Variants in KBTBD13 observed in about 807,000 individuals in gnomAD.
KBTBD13 encodes kelch repeat and BTB domain containing 13.
Under a neutral mutation model 25.4 loss-of-function variants are expected in KBTBD13, and 32 were observed. That is an observed-to-expected ratio of 1.26 (90% CI 0.95 to 1.69). KBTBD13 has a LOEUF of 1.69. KBTBD13 is among the 40% of genes most tolerant of loss of function. KBTBD13 has a pLI of 0.00. For synonymous variants in KBTBD13, 436 were observed against 329.8 expected (o/e 1.32, Z -3.49); for missense variants, 898 against 679.5 (o/e 1.32, Z -3.57).
rs2086985037 is a variant in KBTBD13 at position 65,077,187 on chromosome 15, T to G, written c.372T>G (p.Ser124Arg). 1 of 1,481,494 alleles carries G rather than the reference T, an allele frequency of 6.7e-7. No individual in the cohort carries two copies. The highest frequency in any genetic ancestry group is 2.7e-5 in the East Asian group (1 of 36,914). The allele number at this position is 1,481,494 out of a possible 1,614,324, so 91.8% of individuals were successfully genotyped here. A position where few individuals can be genotyped will look rare whatever the true frequency, so the allele number is the denominator to read the frequency against. The change falls in exon 1 of 1, where the codon AGT becomes AGG. Residue 124 changes from serine (S) to arginine (R), a missense_variant. Transcript: ENST00000432196. Reference sequence around the variant, plus strand: ...TCGGCCTGCGCGACGTGTTCCACAGTGCCGCGCTCTTCATCTGCGACGGCG... The same window carrying G: ...TCGGCCTGCGCGACGTGTTCCACAGGGCCGCGCTCTTCATCTGCGACGGCG... Reference protein sequence around the residue: ...AAFGLRDVFHSAALFICDGER... With the variant: ...AAFGLRDVFHRAALFICDGER...
Position 65,077,248 on chromosome 15 carries a change from G to A in KBTBD13, c.433G>A (p.Ala145Thr). Residue 145 changes from alanine (A) to threonine (T), a missense_variant, in exon 1 of 1, where the codon GCC becomes ACC. Ala to Thr is a moderately conservative substitution (Grantham distance 58). Coordinates refer to ENST00000432196, the MANE Select transcript of KBTBD13 (RefSeq NM_001101362.3). ...ELAAELALPE[A>T]RAYVAALRPS... ...GGCGGCCGAACTGGCGCTGCCTGAG[G>A]CCCGCGCCTACGTGGCGGCCCTGCG... The A allele has an allele frequency of 1.4e-6, 2 of 1,417,604 alleles. No individual in the cohort carries two copies. The highest frequency in any genetic ancestry group is 2.9e-5 in the East Asian group (1 of 34,774). The allele number at this position is 1,417,604 out of a possible 1,614,324, so 87.8% of individuals were successfully genotyped here.
Position 65,077,094 on chromosome 15 carries a change from G to T in KBTBD13, c.279G>T (p.Leu93=). The change falls in exon 1 of 1, where the codon CTG becomes CTT. Residue 93 remains leucine, a synonymous_variant. Transcript: ENST00000432196. The part of the protein sequence containing the change: ...ECAAFLQAPA[L]ARFLEHNLTS... ...CCGCCTTCCTCCAGGCGCCGGCGCT[G>T]GCTCGCTTTCTGGAGCACAACCTCA... 1 of 1,522,792 alleles carries T rather than the reference G, an allele frequency of 6.6e-7. No homozygotes were observed. 94.3% of individuals were successfully genotyped at this position (1,522,792 alleles called of 1,614,324 possible).
At position 65,078,264 on chromosome 15, in the gene KBTBD13, G is replaced by A. The variant is rs540070304; in HGVS notation, c.*72G>A. 5.5e-5 allele frequency: 82 copies of A among 1,485,672 alleles called. No individual in the cohort carries two copies. In the African/African-American group the frequency reaches 9.9e-4, roughly 18 times the overall value. The allele number at this position is 1,485,672 out of a possible 1,614,324, so 92.0% of individuals were successfully genotyped here. On this transcript the variant is annotated 3_prime_UTR_variant, in exon 1 of 1. Coordinates refer to ENST00000432196, the MANE Select transcript of KBTBD13 (RefSeq NM_001101362.3). ...GAGCTATGGCTGAGTGTGTGAGGCC[G>A]GCCTTAGAAGTAGCTGGCAACTTCC...
chr15:65,076,978 G>A lies in KBTBD13; in HGVS notation c.163G>A (p.Ala55Thr), dbSNP rs551460635. ...AGAGGTGCGCCTGGGCGTTCTGAGCGCGGGAGGTTTCCGCGCCACGCTGCA... is the reference window on the plus strand; with the variant it reads ...AGAGGTGCGCCTGGGCGTTCTGAGCACGGGAGGTTTCCGCGCCACGCTGCA... ...AAEVRLGVLS[A>T]GGFRATLQVL... The change falls in exon 1 of 1, where the codon GCG becomes ACG. Residue 55 changes from alanine (A) to threonine (T), a missense_variant. Coordinates refer to ENST00000432196, the MANE Select transcript of KBTBD13 (RefSeq NM_001101362.3). 393 of 1,541,154 alleles carry A rather than the reference G, an allele frequency of 2.6e-4. 7 individuals carry two copies. The South Asian group carries it at 4.4e-3, about 17-fold the overall frequency.
Position 65,078,289 on chromosome 15 carries a change from CCT to C in KBTBD13, c.*100_*101del. On this transcript the variant is annotated 3_prime_UTR_variant, in exon 1 of 1. Transcript: ENST00000432196. ...GGCCTTAGAAGTAGCTGGCAACTTC[CCT>C]CTTTCTACTGAGACACCCAGGTTTG... 6.9e-7 allele frequency: 1 copy of C among 1,444,816 alleles called. No individual in the cohort carries two copies. The highest frequency in any genetic ancestry group is 9.1e-7 in the Non-Finnish European group (1 of 1,093,242). The allele number at this position is 1,444,816 out of a possible 1,614,324, so 89.5% of individuals were successfully genotyped here.
chr15:65,077,205 C>T lies in KBTBD13; in HGVS notation c.390C>T (p.Cys130=). The T allele has an allele frequency of 1.4e-6, 2 of 1,451,142 alleles. No individual in the cohort carries two copies. Among genetic ancestry groups the T allele is most frequent in the Admixed American group, 2.5e-5 (1 of 39,560 alleles). The allele number at this position is 1,451,142 out of a possible 1,614,324, so 89.9% of individuals were successfully genotyped here. Residue 130 remains cysteine (C), a synonymous_variant, in exon 1 of 1, where the codon TGC becomes TGT. Coordinates refer to ENST00000432196, the MANE Select transcript of KBTBD13 (RefSeq NM_001101362.3). ...TCCACAGTGCCGCGCTCTTCATCTG[C>T]GACGGCGAGCGCGAGCTGGCGGCCG... is the stretch of plus-strand genomic sequence containing the variant. The part of the protein sequence containing the change: ...DVFHSAALFI[C]DGERELAAEL...
Position 65,077,989 on chromosome 15 carries a change from G to T in KBTBD13, c.1174G>T (p.Ala392Ser), listed in dbSNP as rs757625799. 1 of 1,609,880 alleles carries T rather than the reference G, an allele frequency of 6.2e-7. No individual in the cohort carries two copies. Among genetic ancestry groups the T allele is most frequent in the Non-Finnish European group, 8.5e-7 (1 of 1,179,740 alleles). Residue 392 changes from alanine (A) to serine (S), a missense_variant, in exon 1 of 1, where the codon GCG becomes TCG. Physicochemically the swap from Ala to Ser is moderately conservative, Grantham distance 99 (BLOSUM62 1). Coordinates refer to ENST00000432196, the MANE Select transcript of KBTBD13 (RefSeq NM_001101362.3). ...LPGQFVNSKG[A>S]LFTAVVRGDT... ...CGGCCAGTTCGTCAACAGCAAGGGA[G>T]CGCTCTTCACGGCCGTGGTGCGCGG... is the stretch of plus-strand genomic sequence containing the variant.
In KBTBD13 at chr15:65,079,748, G is replaced by A. The variant is rs148606250; in HGVS notation, c.*1556G>A. ...GAGGCCCATGGGGAATCTTGGCCTC[G>A]TCAGAAGTGGAGAATGCAGTGTCAG... is the stretch of plus-strand genomic sequence containing the variant. On this transcript the variant is annotated 3_prime_UTR_variant, in exon 1 of 1. Coordinates refer to ENST00000432196, the MANE Select transcript of KBTBD13 (RefSeq NM_001101362.3). Among the ~76,000 whole-genome samples the A allele has an allele frequency of 3.3e-3, 509 of 152,306 alleles. 4 individuals carry two copies. Among genetic ancestry groups the A allele is most frequent in the Middle Eastern group, 0.01 (3 of 294 alleles).
At position 65,076,917 on chromosome 15, in the gene KBTBD13, C is replaced by A. The variant is rs561608857; in HGVS notation, c.102C>A (p.Gly34=). 5 of 1,561,484 alleles carry A rather than the reference C, an allele frequency of 3.2e-6. No homozygotes were observed. In the South Asian group the frequency reaches 4.7e-5, roughly 15 times the overall value. Residue 34 remains glycine, a synonymous_variant, in exon 1 of 1, where the codon GGC becomes GGA. Transcript: ENST00000432196. ...LLVEHCGFFR[G]LFRSGMRETR... ...TGGAGCACTGTGGCTTCTTCCGAGG[C>A]CTCTTCCGCTCCGGCATGCGGGAGA...
rs976911694 is a variant in KBTBD13 at position 65,078,824 on chromosome 15, C to A, written c.*632C>A. Among the ~76,000 whole-genome samples the A allele has an allele frequency of 6.6e-6, 1 of 152,104 alleles. No individual in the cohort carries two copies. Among genetic ancestry groups the A allele is most frequent in the Non-Finnish European group, 1.5e-5 (1 of 68,014 alleles). On this transcript the variant is annotated 3_prime_UTR_variant, in exon 1 of 1. Coordinates refer to ENST00000432196, the MANE Select transcript of KBTBD13 (RefSeq NM_001101362.3). ...CAGAAAAGAAGAGAGTGTGCAAACT[C>A]TATGGAGGAGATGAGCAGGATACCA... is the stretch of plus-strand genomic sequence containing the variant.
At position 65,076,846 on chromosome 15, in the gene KBTBD13, G is replaced by A. The variant is rs778942160; in HGVS notation, c.31G>A (p.Val11Met). Residue 11 changes from valine to methionine, a missense_variant, in exon 1 of 1, where the codon GTG becomes ATG. Physicochemically the swap from Val to Met is conservative, Grantham distance 21 (BLOSUM62 1). Coordinates refer to ENST00000432196, the MANE Select transcript of KBTBD13 (RefSeq NM_001101362.3). ...ACGGGGTCCACAGACCCTGGTGCAG[G>A]TGTGGGTGGGCGGCCAGCTCTTCCA... MARGPQTLVQ[V>M]WVGGQLFQAD... 3.8e-6 allele frequency: 6 copies of A among 1,559,088 alleles called. No homozygotes were observed. The highest frequency in any genetic ancestry group is 1.8e-5 in the Admixed American group (1 of 54,754).
rs747952303 is a variant in KBTBD13, at chr15:65,077,953, A to G, written c.1138A>G (p.Thr380Ala). ...TCTCAACCTGGCCACGGGCCAGTGG[A>G]CGGCGCTGCCCGGCCAGTTCGTCAA... The part of the protein sequence containing the change: ...DCLNLATGQW[T>A]ALPGQFVNSK... Residue 380 changes from threonine (T) to alanine (A), a missense_variant, in exon 1 of 1, where the codon ACG becomes GCG. Transcript: ENST00000432196. 9 of 1,611,410 alleles carry G rather than the reference A, an allele frequency of 5.6e-6. No homozygotes were observed. The South Asian group carries it at 9.9e-5, about 18-fold the overall frequency.
Position 65,078,156 on chromosome 15 carries a change from T to C in KBTBD13, c.1341T>C (p.Ala447=), listed in dbSNP as rs1298809117. ...QTFLLRLPPG[A]PGPVTSTTAE... is the part of the protein sequence containing the mutation. ...TTCTCCTAAGGCTGCCTCCTGGCGC[T>C]CCTGGGCCTGTGACTTCGACAACGG... Residue 447 remains alanine (A), a synonymous_variant, in exon 1 of 1, where the codon GCT becomes GCC. Transcript: ENST00000432196. 19 of 1,545,330 alleles carry C rather than the reference T, an allele frequency of 1.2e-5. No individual in the cohort carries two copies. Among genetic ancestry groups the C allele is most frequent in the Non-Finnish European group, 1.6e-5 (18 of 1,150,598 alleles).
At position 65,077,107 on chromosome 15, in the gene KBTBD13, G is replaced by C. The variant is rs752222694; in HGVS notation, c.292G>C (p.Glu98Gln). Reference protein sequence around the residue: ...LQAPALARFLEHNLTSDNCAL... With the variant: ...LQAPALARFLQHNLTSDNCAL... ...GGCGCCGGCGCTGGCTCGCTTTCTGGAGCACAACCTCACGTCGGACAACTG... is the reference window on the plus strand; with the variant it reads ...GGCGCCGGCGCTGGCTCGCTTTCTGCAGCACAACCTCACGTCGGACAACTG... The change falls in exon 1 of 1, where the codon GAG (glutamate) becomes CAG (glutamine). Residue 98 changes from glutamate to glutamine, a missense_variant. Physicochemically the swap from Glu to Gln is conservative, Grantham distance 29 (BLOSUM62 2). Transcript: ENST00000432196. 12 of 1,523,536 alleles carry C rather than the reference G, an allele frequency of 7.9e-6. No homozygotes were observed. The highest frequency in any genetic ancestry group is 4.0e-5 in the Admixed American group (2 of 49,782). The allele number at this position is 1,523,536 out of a possible 1,614,324, so 94.4% of individuals were successfully genotyped here. A position where few individuals can be genotyped will look rare whatever the true frequency, so the allele number is the denominator to read the frequency against.
chr15:65,077,338 C>A lies in KBTBD13; in HGVS notation c.523C>A (p.Arg175Ser), dbSNP rs1257424632. The A allele has an allele frequency of 6.8e-7, 1 of 1,463,152 alleles. No homozygotes were observed. The highest frequency in any genetic ancestry group is 9.0e-7 in the Non-Finnish European group (1 of 1,108,382). The allele number at this position is 1,463,152 out of a possible 1,614,324, so 90.6% of individuals were successfully genotyped here. The change falls in exon 1 of 1, where the codon CGC (arginine) becomes AGC (serine). Residue 175 changes from arginine to serine, a missense_variant. Transcript: ENST00000432196. ...PAPGFLEDASRTLCYLDEEED... is the reference protein window; with the variant it reads ...PAPGFLEDASSTLCYLDEEED... Reference sequence around the variant, plus strand: ...GCCCGGCTTCCTGGAGGACGCCTCGCGCACGCTGTGTTACCTGGACGAGGA... The same window carrying A: ...GCCCGGCTTCCTGGAGGACGCCTCGAGCACGCTGTGTTACCTGGACGAGGA...
At position 65,077,310 on chromosome 15, in the gene KBTBD13, C is replaced by A; in HGVS notation, c.495C>A (p.Pro165=). The A allele has an allele frequency of 7.0e-7, 1 of 1,420,102 alleles. No homozygotes were observed. Among genetic ancestry groups the A allele is most frequent in the South Asian group, 1.5e-5 (1 of 67,222 alleles). The allele number at this position is 1,420,102 out of a possible 1,614,324, so 88.0% of individuals were successfully genotyped here. A position where few individuals can be genotyped will look rare whatever the true frequency, so the allele number is the denominator to read the frequency against. The change falls in exon 1 of 1, where the codon CCC becomes CCA. Residue 165 remains proline (P), a synonymous_variant. Coordinates refer to ENST00000432196, the MANE Select transcript of KBTBD13 (RefSeq NM_001101362.3). The stretch of plus-strand genomic sequence containing the variant: ...ACGCGGCCGTGAGCACGCACACGCC[C>A]GCGCCCGGCTTCCTGGAGGACGCCT... ...SSYAAVSTHT[P]APGFLEDASR...
chr15:65,078,178 A>G lies in KBTBD13; in HGVS notation c.1363A>G (p.Thr455Ala), dbSNP rs116406369. ...PGAPGPVTST[T>A]AEL ...CGCTCCTGGGCCTGTGACTTCGACA[A>G]CGGCAGAACTGTGACCTCTGGGCTG... is the stretch of plus-strand genomic sequence containing the variant. Residue 455 changes from threonine (T) to alanine (A), a missense_variant, in exon 1 of 1, where the codon ACG becomes GCG. Thr to Ala is a moderately conservative substitution (Grantham distance 58). Coordinates refer to ENST00000432196, the MANE Select transcript of KBTBD13 (RefSeq NM_001101362.3). 1.1e-3 allele frequency: 1,746 copies of G among 1,540,720 alleles called. 13 individuals are homozygous for G. The African/African-American group carries it at 0.021, about 18-fold the overall frequency.
chr15:65,077,420 C>A lies in KBTBD13; in HGVS notation c.605C>A (p.Ala202Asp). The change falls in exon 1 of 1, where the codon GCC (alanine) becomes GAC (aspartate). Residue 202 changes from alanine (A) to aspartate (D), a missense_variant. Coordinates refer to ENST00000432196, the MANE Select transcript of KBTBD13 (RefSeq NM_001101362.3). ...ALPLEASTLL[A>D]GVATLGNKLY... ...CCCCTGGAGGCCAGCACGTTGCTGG[C>A]CGGGGTGGCCACGCTGGGCAACAAG... 1 of 1,527,514 alleles carries A rather than the reference C, an allele frequency of 6.5e-7. No individual in the cohort carries two copies. Among genetic ancestry groups the A allele is most frequent in the Middle Eastern group, 2.0e-4 (1 of 5,126 alleles). 94.6% of individuals were successfully genotyped at this position (1,527,514 alleles called of 1,614,324 possible).
rs780964425 is a variant in KBTBD13 at position 65,077,590 on chromosome 15, C to T, written c.775C>T (p.Arg259Cys). 36 of 1,569,128 alleles carry T rather than the reference C, an allele frequency of 2.3e-5. No homozygotes were observed. The highest frequency in any genetic ancestry group is 2.7e-5 in the Non-Finnish European group (32 of 1,164,940). Residue 259 changes from arginine (R) to cysteine (C), a missense_variant, in exon 1 of 1, where the codon CGC becomes TGC. Physicochemically the swap from Arg to Cys is radical, Grantham distance 180 (BLOSUM62 -3). Transcript: ENST00000432196. The stretch of plus-strand genomic sequence containing the variant: ...CACAGCGCTGGCCGGCTTCGACGGC[C>T]GCCTCTACGCCATCGGCGGCGAATT... ...YDTALAGFDG[R>C]LYAIGGEFQR...
Sources: allele counts gnomAD v4.1 joint callset (sites outside exome capture counted in the v4.1 genomes callset), GRCh38; gene constraint gnomAD v4.1.1; transcripts MANE v1.5; gene names NCBI Gene and HGNC (gene_info 2026-07-23, HGNC 2026-07-21).